Variants in UBAC2 observed in about 807,000 individuals in gnomAD.
The protein encoded by UBAC2 is UBA domain containing 2.
In UBAC2, 26 loss-of-function variants were observed where a neutral mutation model predicts 44.0. The ratio of observed to expected loss-of-function variants is 0.59; its 90% CI spans 0.43 to 0.82. The LOEUF (loss-of-function observed/expected upper bound fraction) is 0.82. UBAC2 is among the 40% of genes least tolerant of loss of function. The pLI, the probability that UBAC2 is intolerant of heterozygous loss-of-function variation, is 0.00. For synonymous variants in UBAC2, 155 were observed against 154.3 expected, an observed-to-expected ratio of 1.00 and a Z score of -0.04; for missense variants, 329 against 419.4, an observed-to-expected ratio of 0.78 and a Z score of 1.88.
intron 6 of UBAC2, among the ~76,000 whole-genome samples, chr13:99,325,673 G>C (rs1258039915): frequency 6.6e-6 from 1 of 152,138 alleles, no homozygotes; most frequent in African/African-American, 2.4e-5. Flanking sequence ...CTTTATGCCT[G>C]TTGATTTTTA....
chr13:99,269,108 G>A (rs2043784161), intron 4 of UBAC2, among the ~76,000 whole-genome samples: 1 of 152,162 alleles, frequency 6.6e-6, no homozygotes, highest in Non-Finnish European at 1.5e-5. Context: ...CTTGGGAGCT[G>A]CTGAATTTGA....
chr13:99,353,886 G>A (rs2045135410), intron 7 of UBAC2, among the ~76,000 whole-genome samples: 1 of 152,208 alleles, frequency 6.6e-6, no homozygotes, highest in Non-Finnish European at 1.5e-5. Context: ...GCAGCCCAGT[G>A]CTGTGGTTGA....
intron 4 of UBAC2, among the ~76,000 whole-genome samples, chr13:99,304,703 C>CTT (rs1230497682): frequency 6.6e-6 from 1 of 152,284 alleles, no homozygotes; most frequent in African/African-American, 2.4e-5. Flanking sequence ...CCTCTCAGAA[C>CTT]TTTCACAAGT....
intron 4 of UBAC2, chr13:99,255,227 G>A: frequency 6.2e-7 from 1 of 1,614,100 alleles, no homozygotes. Flanking sequence ...GTCCTGCCGT[G>A]AAGGAGATTA....
At chr13:99,377,479 T>G (rs995396826) in intron 8 of UBAC2, 2 of 152,076 alleles carry the variant, frequency 1.3e-5, no homozygotes, top group African/African-American at 4.8e-5. Context: ...GCAGAGAAAA[T>G]GAAGTAGTCC....
chr13:99,345,741 CTTTTTTTTTT>C (rs766632532), intron 7 of UBAC2, among the ~76,000 whole-genome samples: 2 of 130,932 alleles, frequency 1.5e-5, no homozygotes, highest in Admixed American at 1.5e-4. Flanking sequence ...TTTTTTCTTT[CTTTTTTTTTT>C]TTTTTTTTTG....
chr13:99,239,314 G>A (rs918354092), intron 2 of UBAC2, among the ~76,000 whole-genome samples: 1 of 152,202 alleles, frequency 6.6e-6, no homozygotes, highest in South Asian at 2.1e-4. Context: ...TGTAGCTTCT[G>A]TATTATTTCA....
chr13:99,315,627 T>G (rs559793904), intron 5 of UBAC2, among the ~76,000 whole-genome samples: 43 of 152,266 alleles, frequency 2.8e-4, no homozygotes, highest in African/African-American at 1.0e-3. Flanking sequence ...AGCCCCCATT[T>G]CCCCATCTAT....
rs1176548017 is a variant in UBAC2 at position 99,327,331 on chromosome 13, AT to A, written c.561+9264del. On this transcript the variant is annotated intron_variant, in intron 6 of 8. Transcript: ENST00000403766. ...ACACCCGTACTTTTACATTGTAGAG[AT>A]TACTGGTAGATTATCATGTCCGTTG... is the stretch of plus-strand genomic sequence containing the variant. Among the ~76,000 whole-genome samples the A allele has an allele frequency of 3.3e-5, 5 of 152,342 alleles. No homozygotes were observed. The South Asian group carries it at 8.3e-4, about 25-fold the overall frequency.
chr13:99,224,038 G>C (rs183041079), intron 1 of UBAC2, among the ~76,000 whole-genome samples: 3 of 152,262 alleles, frequency 2.0e-5, no homozygotes, highest in African/African-American at 7.2e-5. Flanking sequence ...TATCCTTACT[G>C]ATTTTACTGG....
At chr13:99,255,237 A>T in intron 4 of UBAC2, 1 of 1,614,178 alleles carries the variant, frequency 6.2e-7, no homozygotes, top group Non-Finnish European at 8.5e-7. Context: ...GAAGGAGATT[A>T]TGAATAATGA....
At chr13:99,285,528 G>T (rs1371596878) in intron 4 of UBAC2, among the ~76,000 whole-genome samples, 1 of 151,954 alleles carries the variant, frequency 6.6e-6, no homozygotes, top group Non-Finnish European at 1.5e-5. Context: ...GAGTAGCTAG[G>T]ACTACAGGCA....
chr13:99,207,330 T>G (rs2042884430), intron 1 of UBAC2, among the ~76,000 whole-genome samples: 1 of 152,238 alleles, frequency 6.6e-6, no homozygotes, highest in African/African-American at 2.4e-5. Context: ...TAGTAACTAC[T>G]CAGGTTTAAG....
At chr13:99,293,582 C>A (rs770922411) in intron 4 of UBAC2, among the ~76,000 whole-genome samples, 1 of 152,188 alleles carries the variant, frequency 6.6e-6, no homozygotes, top group African/African-American at 2.4e-5. Flanking sequence ...GAAGGAAAGG[C>A]AGTAAGATTT....
intron 4 of UBAC2, among the ~76,000 whole-genome samples, chr13:99,265,754 A>G (rs745867741): frequency 1.3e-5 from 2 of 152,218 alleles, no homozygotes; most frequent in Non-Finnish European, 2.9e-5. Context: ...AGGTTATGCC[A>G]TGTCTCAAAA....
chr13:99,340,470 A>G lies in UBAC2; in HGVS notation c.712A>G (p.Thr238Ala), dbSNP rs1367441049. 7.4e-6 allele frequency: 12 copies of G among 1,614,120 alleles called. No homozygotes were observed. The highest frequency in any genetic ancestry group is 1.0e-5 in the Non-Finnish European group (12 of 1,180,056). The change falls in exon 7 of 9, where the codon ACG becomes GCG. Residue 238 changes from threonine (T) to alanine (A), a missense_variant. Thr to Ala is a moderately conservative substitution (Grantham distance 58). Transcript: ENST00000403766. ...TSEARIGMGA[T>A]LDIQRQQRME... ...CGAAGCCAGAATTGGGATGGGAGCC[A>G]CGCTGGACATCCAGAGACAGCAGAG...
intron 1 of UBAC2, among the ~76,000 whole-genome samples, chr13:99,211,544 T>C (rs188959972): frequency 1.7e-4 from 26 of 152,362 alleles, no homozygotes; most frequent in African/African-American, 4.6e-4. Flanking sequence ...TTAGGCACTG[T>C]TCTAAGCAGT....
chr13:99,214,108 C>T (rs181064777), intron 1 of UBAC2, among the ~76,000 whole-genome samples: 175 of 152,292 alleles, frequency 1.1e-3, no homozygotes, highest in Middle Eastern at 3.4e-3. Context: ...CGTGAGCCAC[C>T]GCACCTGGCC....
chr13:99,284,121 G>A (rs1175423274), intron 4 of UBAC2, among the ~76,000 whole-genome samples: 1 of 152,210 alleles, frequency 6.6e-6, no homozygotes, highest in African/African-American at 2.4e-5. Context: ...GCCAGACTGA[G>A]GCTGTGTATT....
Sources: allele counts gnomAD v4.1 joint callset (sites outside exome capture counted in the v4.1 genomes callset), GRCh38; gene constraint gnomAD v4.1.1; transcripts MANE v1.5; gene names NCBI Gene and HGNC (gene_info 2026-07-23, HGNC 2026-07-21).